Variants in AGPAT3 observed in about 807,000 individuals in gnomAD.
The protein encoded by AGPAT3 is 1-acyl-sn-glycerol-3-phosphate acyltransferase gamma.
AGPAT3 carries 5 observed loss-of-function variants against 47.3 expected under a neutral mutation model. That is an observed-to-expected ratio of 0.11 (90% CI 0.06 to 0.22). The LOEUF is 0.22. Ranked by LOEUF, AGPAT3 falls within the 10% of genes least tolerant of loss-of-function variation. AGPAT3 has a pLI of 1.00. For missense variants in AGPAT3, 315 were observed against 493.0 expected (o/e 0.64, Z 3.42); for synonymous variants, 212 against 208.3 (o/e 1.02, Z -0.15).
At chr21:43,919,107 C>A (rs1231412443) in intron 2 of AGPAT3, among the ~76,000 whole-genome samples, 1 of 152,092 alleles carries the variant, frequency 6.6e-6, no homozygotes, top group Non-Finnish European at 1.5e-5. Context: ...GGAGTGTCGT[C>A]CTTAAATGTT....
At chr21:43,974,144 C>G (rs67020829) in intron 7 of AGPAT3, among the ~76,000 whole-genome samples, 28,141 of 150,736 alleles carry the variant, frequency 0.19, 3,247 homozygotes, top group Non-Finnish European at 0.26. Context: ...GTGTGGTGTA[C>G]GTATGTGCAT....
chr21:43,968,023 G>C lies in AGPAT3; in HGVS notation c.256G>C (p.Gly86Arg). The C allele has an allele frequency of 6.2e-7, 1 of 1,613,954 alleles. No homozygotes were observed. Among genetic ancestry groups the C allele is most frequent in the Non-Finnish European group, 8.5e-7 (1 of 1,179,996 alleles). Residue 86 changes from glycine to arginine, a missense_variant, in exon 4 of 10, where the codon GGG (glycine) becomes CGG (arginine). Gly to Arg is a moderately radical substitution (Grantham distance 125). Coordinates refer to ENST00000291572, the MANE Select transcript of AGPAT3 (RefSeq NM_020132.5). ...FTDQATVERF[G>R]KEHAVIILNH... ...GGACCAGGCCACGGTAGAGCGCTTTGGGAAGGAGCACGCAGTCATCATCCT... is the reference window on the plus strand; with the variant it reads ...GGACCAGGCCACGGTAGAGCGCTTTCGGAAGGAGCACGCAGTCATCATCCT...
intron 2 of AGPAT3, among the ~76,000 whole-genome samples, chr21:43,941,463 C>T (rs2087653777): frequency 6.6e-6 from 1 of 152,208 alleles, no homozygotes; most frequent in Non-Finnish European, 1.5e-5. Context: ...AGGAGGATCC[C>T]TTGAGCTCAG....
chr21:43,940,945 T>C (rs1282545903), intron 2 of AGPAT3, among the ~76,000 whole-genome samples: 2 of 152,194 alleles, frequency 1.3e-5, no homozygotes, highest in East Asian at 3.8e-4. Context: ...GGGCTGGGAT[T>C]AGATGGGGTG....
chr21:43,983,906 A>C lies in AGPAT3; in HGVS notation c.*1514A>C, dbSNP rs998721358. 2 of 152,262 alleles carry C rather than the reference A, an allele frequency of 1.3e-5. No homozygotes were observed. The highest frequency in any genetic ancestry group is 4.8e-5 in the African/African-American group (2 of 41,456). 9.4% of individuals were successfully genotyped at this position (152,262 alleles called of 1,614,324 possible). A position where few individuals can be genotyped will look rare whatever the true frequency, so the allele number is the denominator to read the frequency against. On this transcript the variant is annotated 3_prime_UTR_variant, in exon 10 of 10. Transcript: ENST00000291572. ...GTTTTCTAGGGGAAAACAAATGGAG[A>C]AAAGAGGCATGAAGAAAAGTAAACC... is the stretch of plus-strand genomic sequence containing the variant.
chr21:43,966,231 C>G (rs932442114), intron 3 of AGPAT3: 12 of 152,274 alleles, frequency 7.9e-5, no homozygotes, highest in African/African-American at 2.7e-4. Flanking sequence ...CAGCGCAGCT[C>G]GTCTTTCCAG....
rs370780500 is a variant in AGPAT3, at chr21:43,971,390, G to A, written c.667G>A (p.Ala223Thr). 2.2e-5 allele frequency: 36 copies of A among 1,613,898 alleles called. No individual in the cohort carries two copies. In the African/African-American group the frequency reaches 3.5e-4, roughly 16 times the overall value. The change falls in exon 7 of 10, where the codon GCA (alanine) becomes ACA (threonine). Residue 223 changes from alanine to threonine, a missense_variant and splice_region_variant. By Grantham distance (58) the Ala-to-Thr change is moderately conservative. Coordinates refer to ENST00000291572, the MANE Select transcript of AGPAT3 (RefSeq NM_020132.5). The part of the protein sequence containing the change: ...TAVKCLRGTV[A>T]AVYDVTLNFR... ...CACCCTCCCGTCTCCTCCCACAGTC[G>A]CAGCTGTCTATGATGTAACCCTGAA...
chr21:43,954,212 C>T lies in AGPAT3; in HGVS notation c.-48-5422C>T, dbSNP rs1022800417. 6.6e-6 allele frequency among the ~76,000 whole-genome samples: 1 copy of T among 152,202 alleles called. No individual in the cohort carries two copies. Among genetic ancestry groups the T allele is most frequent in the Non-Finnish European group, 1.5e-5 (1 of 68,026 alleles). ...GGACCGGTGTGGCCAAGCAGGGCAC[C>T]TTCCTCACCGTCACCCTTCTGCAGG... is the stretch of plus-strand genomic sequence containing the variant. On this transcript the variant is annotated intron_variant, in intron 2 of 9. Coordinates refer to ENST00000291572, the MANE Select transcript of AGPAT3 (RefSeq NM_020132.5). The surrounding 1 kb of genome is among the most constrained non-coding windows in gnomAD (Gnocchi z 4.0).
chr21:43,904,590 G>A (rs914654780), intron 2 of AGPAT3, among the ~76,000 whole-genome samples: 3 of 152,180 alleles, frequency 2.0e-5, no homozygotes, highest in Admixed American at 6.5e-5. Flanking sequence ...TCCTCAGGAA[G>A]CCCTGGGTTT....
Position 43,902,821 on chromosome 21 carries a change from A to G in AGPAT3, c.-111-1136A>G, listed in dbSNP as rs115752441. 4.9e-3 allele frequency among the ~76,000 whole-genome samples: 744 copies of G among 152,282 alleles called. 5 individuals carry two copies. Among genetic ancestry groups the G allele is most frequent in the African/African-American group, 0.016 (680 of 41,560 alleles). On this transcript the variant is annotated intron_variant, in intron 1 of 9. Coordinates refer to ENST00000291572, the MANE Select transcript of AGPAT3 (RefSeq NM_020132.5). ...CAAGACCAGCCTAGGCAACATAGTGAAATGCTTTGTCTACAAAAAATTTAA... is the reference window on the plus strand; with the variant it reads ...CAAGACCAGCCTAGGCAACATAGTGGAATGCTTTGTCTACAAAAAATTTAA...
At chr21:43,962,023 C>G (rs2146658829) in intron 3 of AGPAT3, among the ~76,000 whole-genome samples, 1 of 145,532 alleles carries the variant, frequency 6.9e-6, no homozygotes. Context: ...TTTTTTGAGA[C>G]TGAGTCTCGC....
Position 43,955,899 on chromosome 21 carries a change from C to CAAAA in AGPAT3, c.-48-3721_-48-3718dup, listed in dbSNP as rs58314121. The stretch of plus-strand genomic sequence containing the variant: ...TGGGCAACAGTGAGATAATCTGTCT[C>CAAAA]AAAAAAAAAAAAAAAAATCAGATTC... On this transcript the variant is annotated intron_variant, in intron 2 of 9. Transcript: ENST00000291572. The surrounding 1 kb of genome is among the most constrained non-coding windows in gnomAD (Gnocchi z 4.1). 6.2e-4 allele frequency among the ~76,000 whole-genome samples: 78 copies of CAAAA among 124,930 alleles called. No individual in the cohort carries two copies. The highest frequency in any genetic ancestry group is 2.1e-3 in the African/African-American group (74 of 34,556). The allele number at this position is 124,930 out of a possible 152,430, so 82.0% of individuals were successfully genotyped here.
intron 2 of AGPAT3, among the ~76,000 whole-genome samples, chr21:43,906,232 C>A (rs1044628829): frequency 1.9e-4 from 29 of 152,098 alleles, no homozygotes; most frequent in African/African-American, 7.0e-4. Flanking sequence ...TCGATATTCA[C>A]CAAACCGGGT....
At chr21:43,902,457 T>C (rs1159340939) in intron 1 of AGPAT3, among the ~76,000 whole-genome samples, 1 of 152,228 alleles carries the variant, frequency 6.6e-6, no homozygotes, top group African/African-American at 2.4e-5. Flanking sequence ...ACTGGCTGGC[T>C]TAAGTAACAG....
chr21:43,909,224 C>T (rs1409529586), intron 2 of AGPAT3, among the ~76,000 whole-genome samples: 2 of 152,222 alleles, frequency 1.3e-5, no homozygotes, highest in Non-Finnish European at 2.9e-5. Flanking sequence ...CTACAGGCCC[C>T]TCGGTCCATG....
In AGPAT3 at chr21:43,939,437, G is replaced by A. The variant is rs919826704; in HGVS notation, c.-48-20197G>A. 6.0e-4 allele frequency among the ~76,000 whole-genome samples: 91 copies of A among 152,298 alleles called. No individual in the cohort carries two copies. The highest frequency in any genetic ancestry group is 2.0e-3 in the African/African-American group (84 of 41,550). ...TTTGAACTCCATTTCAGATTGAGAG[G>A]TTTCAGGCTGGAGTGACATGGAGGG... On this transcript the variant is annotated intron_variant, in intron 2 of 9. Transcript: ENST00000291572. The surrounding 1 kb of genome is among the most constrained non-coding windows in gnomAD (Gnocchi z 4.4).
At chr21:43,866,622 G>T (rs143633174) in intron 1 of AGPAT3, 2 of 152,094 alleles carry the variant, frequency 1.3e-5, no homozygotes, top group African/African-American at 4.8e-5. Context: ...AGAGTTCGGC[G>T]TTAGCCTGTG....
At position 43,985,350 on chromosome 21, in the gene AGPAT3, A is replaced by T. The variant is rs1226657377; in HGVS notation, c.*2958A>T. ...TGGTGGAAGAGATGAGCGCTGAACA[A>T]ATCACTAAATAACACAAAACAACAA... On this transcript the variant is annotated 3_prime_UTR_variant, in exon 10 of 10. Coordinates refer to ENST00000291572, the MANE Select transcript of AGPAT3 (RefSeq NM_020132.5). 5.7e-6 allele frequency: 2 copies of T among 353,452 alleles called. No homozygotes were observed. The highest frequency in any genetic ancestry group is 1.1e-5 in the Non-Finnish European group (2 of 177,578). 21.9% of individuals were successfully genotyped at this position (353,452 alleles called of 1,614,324 possible).
At chr21:43,897,004 GA>G (rs1665629169) in intron 1 of AGPAT3, among the ~76,000 whole-genome samples, 1 of 141,766 alleles carries the variant, frequency 7.1e-6, no homozygotes, top group African/African-American at 2.6e-5. Context: ...GTTTCTTGGA[GA>G]GGGGGATGTG....
Sources: gnomAD v4.1 joint callset for allele counts (sites outside exome capture counted in the v4.1 genomes callset) on GRCh38, gnomAD v4.1.1 for gene constraint, Gnocchi (gnomAD v3.1) non-coding constraint, MANE v1.5 for transcripts, NCBI Gene and HGNC (gene_info 2026-07-23, HGNC 2026-07-21) for gene names.